FILIP1L: variants seen among roughly 807,000 people sequenced by gnomAD.
FILIP1L encodes filamin A-interacting protein 1-like.
A neutral mutation model predicts 96.6 loss-of-function variants in FILIP1L; 55 were observed. The observed-to-expected ratio is 0.57, with a 90% CI of 0.46 to 0.71. The LOEUF (loss-of-function observed/expected upper bound fraction) is 0.71, where lower values mean the gene tolerates loss of function less well. FILIP1L is among the 30% of genes least tolerant of loss of function. FILIP1L has a pLI of 0.00. For synonymous variants in FILIP1L, 467 were observed against 473.9 expected (o/e 0.99, Z 0.19); for missense variants, 1,304 against 1,321.2 (o/e 0.99, Z 0.20).
intron 5 of FILIP1L, among the ~76,000 whole-genome samples, chr3:99,843,440 G>A (rs943504253): frequency 6.6e-6 from 1 of 152,122 alleles, no homozygotes; most frequent in Non-Finnish European, 1.5e-5. Flanking sequence ...CCACTAGAGG[G>A]TAGAATAGCC....
chr3:99,886,375 A>G (rs933743889), intron 4 of FILIP1L, among the ~76,000 whole-genome samples: 2 of 152,142 alleles, frequency 1.3e-5, no homozygotes, highest in Admixed American at 6.5e-5. Flanking sequence ...CTCTTGTACC[A>G]TACATAAAAT....
At chr3:99,951,173 G>A (rs915205030) in intron 1 of FILIP1L, among the ~76,000 whole-genome samples, 1 of 152,166 alleles carries the variant, frequency 6.6e-6, no homozygotes, top group Non-Finnish European at 1.5e-5. Context: ...TGTTCACTCA[G>A]CTAACTCCCA....
intron 5 of FILIP1L, among the ~76,000 whole-genome samples, chr3:99,831,044 C>T (rs1392133254): frequency 6.6e-6 from 1 of 152,096 alleles, no homozygotes; most frequent in Non-Finnish European, 1.5e-5. Flanking sequence ...TGGGCAGCTC[C>T]AATGATGATT....
intron 4 of FILIP1L, among the ~76,000 whole-genome samples, chr3:99,907,786 C>T (rs143034925): frequency 6.6e-5 from 10 of 152,248 alleles, no homozygotes; most frequent in South Asian, 4.1e-4. Flanking sequence ...TAATGTGCAA[C>T]GCTAATGCTA....
At chr3:100,111,863 G>A (rs1360263401) in intron 1 of FILIP1L, among the ~76,000 whole-genome samples, 3 of 152,162 alleles carry the variant, frequency 2.0e-5, no homozygotes, top group Non-Finnish European at 2.9e-5. Flanking sequence ...ATTATTTGAT[G>A]CTGAGATGGT....
At chr3:99,926,916 C>T (rs1193376784) in intron 3 of FILIP1L, among the ~76,000 whole-genome samples, 1 of 152,196 alleles carries the variant, frequency 6.6e-6, no homozygotes, top group Non-Finnish European at 1.5e-5. Flanking sequence ...CTCCCTTCCT[C>T]TAGCCTTACC....
chr3:99,999,616 C>T (rs1054436424), intron 1 of FILIP1L, among the ~76,000 whole-genome samples: 4 of 152,104 alleles, frequency 2.6e-5, no homozygotes, highest in African/African-American at 7.2e-5. Context: ...GAGAGGATCT[C>T]GGGATATAGG....
chr3:99,979,102 C>G lies in FILIP1L; in HGVS notation c.-10-48072G>C, dbSNP rs77780993. On this transcript the variant is annotated intron_variant, in intron 1 of 5. Transcript: ENST00000477258. ...AGCTAGAAGACAGGATTTCTAACTT[C>G]CCCAACACAAAGAAATGATAAATGT... Among the ~76,000 whole-genome samples the G allele has an allele frequency of 3.4e-3, 515 of 152,148 alleles. 2 individuals carry two copies. The highest frequency in any genetic ancestry group is 5.5e-3 in the Non-Finnish European group (377 of 67,992).
At chr3:100,012,901 G>A (rs1298411228) in intron 1 of FILIP1L, among the ~76,000 whole-genome samples, 2 of 151,300 alleles carry the variant, frequency 1.3e-5, no homozygotes, top group East Asian at 3.9e-4. Context: ...AGCCTCCTAA[G>A]TAGCTAGGAT....
chr3:99,983,383 TAA>T (rs1449064999), intron 1 of FILIP1L, among the ~76,000 whole-genome samples: 195 of 30,046 alleles, frequency 6.5e-3, no homozygotes, highest in East Asian at 0.031. Context: ...AAAAAATAAA[TAA>T]ATAAATATAT....
chr3:100,063,970 C>T (rs2065617215), intron 1 of FILIP1L, among the ~76,000 whole-genome samples: 1 of 152,198 alleles, frequency 6.6e-6, no homozygotes, highest in South Asian at 2.1e-4. Flanking sequence ...CCCATTGGTG[C>T]CAGTACTGAA....
intron 4 of FILIP1L, among the ~76,000 whole-genome samples, chr3:99,921,060 A>G (rs1047436317): frequency 6.6e-6 from 1 of 152,158 alleles, no homozygotes; most frequent in Non-Finnish European, 1.5e-5. Flanking sequence ...CTAGTTTGGG[A>G]GTGGTTTACA....
At chr3:99,900,687 CTT>C (rs1467359695) in intron 4 of FILIP1L, among the ~76,000 whole-genome samples, 1 of 152,242 alleles carries the variant, frequency 6.6e-6, no homozygotes, top group Non-Finnish European at 1.5e-5. Context: ...AATCTTCCCT[CTT>C]TCTTCTTTTC....
At chr3:100,075,353 C>G (rs972388265) in intron 1 of FILIP1L, among the ~76,000 whole-genome samples, 1 of 152,196 alleles carries the variant, frequency 6.6e-6, no homozygotes, top group Non-Finnish European at 1.5e-5. Context: ...TTCTCATCCT[C>G]GTGTCCTTTA....
At position 99,842,229 on chromosome 3, in the gene FILIP1L, A is replaced by G. The variant is rs180736926; in HGVS notation, c.3381+6066T>C. Reference sequence around the variant, plus strand: ...ACTATTGTTCTAAGTGAAGTAACTCAGGAATGGAAAACCAAACATTGTATG... The same window carrying G: ...ACTATTGTTCTAAGTGAAGTAACTCGGGAATGGAAAACCAAACATTGTATG... On this transcript the variant is annotated intron_variant, in intron 5 of 5. Coordinates refer to ENST00000477258, the MANE Select transcript of FILIP1L (RefSeq NM_001387850.1). Among the ~76,000 whole-genome samples the G allele has an allele frequency of 3.1e-3, 474 of 152,340 alleles. 4 individuals are homozygous for G. The highest frequency in any genetic ancestry group is 0.011 in the African/African-American group (448 of 41,582).
intron 4 of FILIP1L, among the ~76,000 whole-genome samples, chr3:99,866,854 C>T (rs1944546560): frequency 6.6e-6 from 1 of 152,188 alleles, no homozygotes; most frequent in Admixed American, 6.5e-5. Flanking sequence ...TCTGCTGGAA[C>T]ATGAATGACC....
At chr3:99,970,142 ATCAT>A (rs1160642515) in intron 1 of FILIP1L, among the ~76,000 whole-genome samples, 2 of 152,226 alleles carry the variant, frequency 1.3e-5, no homozygotes, top group Non-Finnish European at 2.9e-5. Flanking sequence ...CGTGCATTAA[ATCAT>A]TCATTCTCAC....
Position 99,850,548 on chromosome 3 carries a change from C to G in FILIP1L, c.1128G>C (p.Arg376Ser). ...AGIMAEVEEL[R>S]KRVLDMEGKD... ...TCCCTTCCATATCTAGCACACGTTT[C>G]CTGAGCTCTTCCACTTCAGCCATGA... is the stretch of plus-strand genomic sequence containing the variant. Residue 376 changes from arginine to serine, a missense_variant, in exon 5 of 6, where the codon AGG becomes AGC. Coordinates refer to ENST00000477258, the MANE Select transcript of FILIP1L (RefSeq NM_001387850.1). 6.2e-7 allele frequency: 1 copy of G among 1,613,802 alleles called. No individual in the cohort carries two copies. The highest frequency in any genetic ancestry group is 1.3e-5 in the African/African-American group (1 of 74,994).
At chr3:99,892,111 T>G (rs994094269) in intron 4 of FILIP1L, among the ~76,000 whole-genome samples, 2 of 152,186 alleles carry the variant, frequency 1.3e-5, no homozygotes, top group Non-Finnish European at 2.9e-5. Context: ...CTGTGAGAAA[T>G]AGAATATCAC....
Sources: allele counts gnomAD v4.1 joint callset (sites outside exome capture counted in the v4.1 genomes callset), GRCh38; gene constraint gnomAD v4.1.1; transcripts MANE v1.5; gene names NCBI Gene and HGNC (gene_info 2026-07-23, HGNC 2026-07-21).